WWOX: variants seen among roughly 807,000 people sequenced by gnomAD.
The protein encoded by WWOX is WW domain containing oxidoreductase, also known as WW domain-containing oxidoreductase.
A neutral mutation model predicts 46.2 loss-of-function variants in WWOX; 69 were observed. The observed-to-expected ratio is 1.49, with a 90% CI of 1.23 to 1.82. The LOEUF (loss-of-function observed/expected upper bound fraction) is 1.82, where lower values mean the gene tolerates loss of function less well. Among genes scored for constraint, WWOX ranks in the 40% most tolerant of loss-of-function variants. The pLI is 0.00. For synonymous variants in WWOX, 359 were observed against 202.6 expected (o/e 1.77, Z -6.56); for missense variants, 919 against 542.6 (o/e 1.69, Z -6.89).
chr16:78,193,694 G>A (rs1042115315), intron 5 of WWOX, among the ~76,000 whole-genome samples: 6 of 152,134 alleles, frequency 3.9e-5, no homozygotes, highest in Admixed American at 1.3e-4. Flanking sequence ...GGGTATGTGA[G>A]TATAGATGCT....
At chr16:78,652,215 T>C (rs997978408) in intron 8 of WWOX, among the ~76,000 whole-genome samples, 3 of 151,576 alleles carry the variant, frequency 2.0e-5, no homozygotes, top group African/African-American at 7.3e-5. Context: ...ATCGAGACCA[T>C]CCTGGCCAAT....
chr16:78,466,034 T>G (rs572357855), intron 8 of WWOX, among the ~76,000 whole-genome samples: 1 of 128,532 alleles, frequency 7.8e-6, no homozygotes, highest in South Asian at 2.5e-4. Flanking sequence ...TTTTTTTGGT[T>G]TTTTGTTTTT....
intron 8 of WWOX, among the ~76,000 whole-genome samples, chr16:78,888,486 T>C (rs1567628172): frequency 6.6e-6 from 1 of 152,204 alleles, no homozygotes; most frequent in Non-Finnish European, 1.5e-5. Context: ...TAGCTGGTGC[T>C]AACTGACAGC....
At chr16:78,866,387 G>C (rs924615012) in intron 8 of WWOX, among the ~76,000 whole-genome samples, 3 of 151,966 alleles carry the variant, frequency 2.0e-5, no homozygotes, top group African/African-American at 4.8e-5. Flanking sequence ...CATTAAAGGA[G>C]AGCTGTAGCA....
chr16:78,428,598 G>T (rs1451058926), intron 7 of WWOX, among the ~76,000 whole-genome samples: 1 of 152,134 alleles, frequency 6.6e-6, no homozygotes, highest in African/African-American at 2.4e-5. Flanking sequence ...TTCTAGATTA[G>T]GGATCAAGAA....
chr16:79,105,478 A>T (rs2049289575), intron 8 of WWOX, among the ~76,000 whole-genome samples: 1 of 152,098 alleles, frequency 6.6e-6, no homozygotes, highest in African/African-American at 2.4e-5. Flanking sequence ...CAATATCCAC[A>T]TTTATATCTA....
chr16:78,859,050 G>GTGTATA (rs1555551642), intron 8 of WWOX, among the ~76,000 whole-genome samples: 1 of 40,840 alleles, frequency 2.4e-5, no homozygotes, highest in Non-Finnish European at 4.1e-5. Flanking sequence ...ATATATATAT[G>GTGTATA]TATATATATA....
intron 8 of WWOX, among the ~76,000 whole-genome samples, chr16:78,932,504 C>T (rs770703275): frequency 6.6e-6 from 1 of 152,200 alleles, no homozygotes; most frequent in Non-Finnish European, 1.5e-5. Flanking sequence ...TTTTCCTGCT[C>T]TTGCAAACCT....
chr16:78,418,422 A>G (rs538621404), intron 6 of WWOX, among the ~76,000 whole-genome samples: 10 of 152,254 alleles, frequency 6.6e-5, no homozygotes, highest in South Asian at 2.1e-4. Context: ...TTAAAAAAAC[A>G]GAAGAGGAGG....
At chr16:78,190,875 C>G (rs1035800310) in intron 5 of WWOX, among the ~76,000 whole-genome samples, 3 of 152,102 alleles carry the variant, frequency 2.0e-5, no homozygotes, top group Non-Finnish European at 4.4e-5. Context: ...ACTTTAGTTC[C>G]CATTATATCA....
intron 8 of WWOX, among the ~76,000 whole-genome samples, chr16:78,698,380 G>T (rs550901446): frequency 1.2e-4 from 19 of 152,156 alleles, no homozygotes; most frequent in African/African-American, 4.6e-4. Flanking sequence ...GAGCACAGAG[G>T]TTTCGCTACA....
chr16:78,691,238 C>T (rs1433204449), intron 8 of WWOX: 1 of 702,066 alleles, frequency 1.4e-6, no homozygotes. Flanking sequence ...GTTTGTGATT[C>T]CAGGTTTCAG....
At chr16:78,477,855 G>C (rs1056612203) in intron 8 of WWOX, among the ~76,000 whole-genome samples, 26 of 152,072 alleles carry the variant, frequency 1.7e-4, no homozygotes, top group African/African-American at 5.8e-4. Context: ...ACTATGTACT[G>C]TATTAGTGGA....
chr16:78,772,080 G>A (rs959826131), intron 8 of WWOX, among the ~76,000 whole-genome samples: 6 of 152,094 alleles, frequency 3.9e-5, no homozygotes, highest in African/African-American at 1.4e-4. Flanking sequence ...TACATGTGCA[G>A]GTTTGTTATA....
At chr16:79,085,171 G>A (rs2048831804) in intron 8 of WWOX, among the ~76,000 whole-genome samples, 2 of 152,214 alleles carry the variant, frequency 1.3e-5, no homozygotes, top group African/African-American at 4.8e-5. Flanking sequence ...CAAAAACACG[G>A]GAGTACCATT....
chr16:78,994,249 G>T lies in WWOX; in HGVS notation c.1057-217359G>T, dbSNP rs139484196. On this transcript the variant is annotated intron_variant, in intron 8 of 8. Coordinates refer to ENST00000566780, the MANE Select transcript of WWOX (RefSeq NM_016373.4). ...GTTTTTTTTCCCCTAGCGTGCTGAAGGGTGGCATTGGAGTACCATTTAAAG... is the reference window on the plus strand; with the variant it reads ...GTTTTTTTTCCCCTAGCGTGCTGAATGGTGGCATTGGAGTACCATTTAAAG... 1.6e-3 allele frequency: 236 copies of T among 152,170 alleles called. 1 individual carries two copies. Among genetic ancestry groups the T allele is most frequent in the African/African-American group, 5.3e-3 (220 of 41,506 alleles). 9.4% of individuals were successfully genotyped at this position (152,170 alleles called of 1,614,324 possible). A position where few individuals can be genotyped will look rare whatever the true frequency, so the allele number is the denominator to read the frequency against.
At chr16:79,119,071 C>T (rs2049574918) in intron 8 of WWOX, among the ~76,000 whole-genome samples, 1 of 152,038 alleles carries the variant, frequency 6.6e-6, no homozygotes, top group African/African-American at 2.4e-5. Flanking sequence ...AGGTTGGGCA[C>T]ATTTTTTAAA....
At chr16:78,905,502 C>G (rs2044938903) in intron 8 of WWOX, among the ~76,000 whole-genome samples, 1 of 152,276 alleles carries the variant, frequency 6.6e-6, no homozygotes, top group South Asian at 2.1e-4. Flanking sequence ...CCACCTCAGC[C>G]TCCTGTGTAG....
At chr16:78,394,681 G>A (rs961060971) in intron 6 of WWOX, among the ~76,000 whole-genome samples, 1 of 152,212 alleles carries the variant, frequency 6.6e-6, no homozygotes, top group African/African-American at 2.4e-5. Context: ...GATCTCTGTT[G>A]CAACTGCTTG....
Sources: allele counts gnomAD v4.1 joint callset (sites outside exome capture counted in the v4.1 genomes callset), GRCh38; gene constraint gnomAD v4.1.1; transcripts MANE v1.5; gene names NCBI Gene and HGNC (gene_info 2026-07-23, HGNC 2026-07-21).